The following RNF40 variants were observed in gnomAD, a reference collection of about 807,000 sequenced individuals.
The protein encoded by RNF40 is E3 ubiquitin-protein ligase BRE1B.
A neutral mutation model predicts 123.3 loss-of-function variants in RNF40; 39 were observed. The ratio of observed to expected loss-of-function variants is 0.32; its 90% CI spans 0.24 to 0.41. The LOEUF (loss-of-function observed/expected upper bound fraction) is 0.41, where lower values mean the gene tolerates loss of function less well. Ranked by LOEUF, RNF40 falls within the 10% of genes least tolerant of loss-of-function variation. The probability of loss-of-function intolerance (pLI) is 1.00; values close to 1 mark genes in which losing one functional copy is unlikely to be tolerated. For missense variants in RNF40, 1,003 were observed against 1,319.9 expected, an observed-to-expected ratio of 0.76 and a Z score of 3.72; for synonymous variants, 538 against 526.0, an observed-to-expected ratio of 1.02 and a Z score of -0.31.
rs772039064 is a variant in RNF40 at position 30,774,944 on chromosome 16, A to C, written c.*830A>C. ...GGAACTTCCCAGGAGGGGAAGGGAC[A>C]GACCAGCCCCAGCCGCTGGGCCAAC... On this transcript the variant is annotated 3_prime_UTR_variant, in exon 20 of 20. Coordinates refer to ENST00000324685, the MANE Select transcript of RNF40 (RefSeq NM_014771.4). 2.2e-6 allele frequency: 1 copy of C among 456,506 alleles called. No individual in the cohort carries two copies. Among genetic ancestry groups the C allele is most frequent in the South Asian group, 1.5e-5 (1 of 64,570 alleles). The allele number at this position is 456,506 out of a possible 1,614,324, so 28.3% of individuals were successfully genotyped here.
At chr16:30,769,960 G>A (rs1292331107) in intron 17 of RNF40, among the ~76,000 whole-genome samples, 1 of 151,996 alleles carries the variant, frequency 6.6e-6, no homozygotes, top group Non-Finnish European at 1.5e-5. Context: ...TTAGCTGGGT[G>A]TGCTGGTGCA....
At chr16:30,764,410 A>G in intron 5 of RNF40, 25 bp downstream of exon 5, 1 of 1,592,436 alleles carries the variant, frequency 6.3e-7, no homozygotes, top group Non-Finnish European at 8.6e-7. Flanking sequence ...CCCATACTGA[A>G]GGGGTGTCCA....
At chr16:30,773,274 C>T (rs1393789297) in intron 19 of RNF40, among the ~76,000 whole-genome samples, 2 of 152,156 alleles carry the variant, frequency 1.3e-5, no homozygotes, top group African/African-American at 4.8e-5. Flanking sequence ...GGGGTAGAGG[C>T]AGGCTTGGGA....
chr16:30,767,856 A>G, intron 11 of RNF40, 38 bp from the exon 12 acceptor site: 1 of 1,614,028 alleles, frequency 6.2e-7, no homozygotes, highest in South Asian at 1.1e-5. Flanking sequence ...TAACCCAGGA[A>G]CTGGTTCTGA....
At position 30,766,501 on chromosome 16, in the gene RNF40, T is replaced by C. The variant is rs1233004120; in HGVS notation, c.1236T>C (p.Ala412=). ...AAGTGAAGACCCAGCTAGACGAGGCTCGGGGCCTGCTGCTGGCCACAAAGA... is the reference window on the plus strand; with the variant it reads ...AAGTGAAGACCCAGCTAGACGAGGCCCGGGGCCTGCTGCTGGCCACAAAGA... ...SLQVKTQLDE[A]RGLLLATKNS... Residue 412 remains alanine, a synonymous_variant, in exon 10 of 20, where the codon GCT becomes GCC. Transcript: ENST00000324685. This position sits in a 1 kb window ranked among gnomAD's most constrained non-coding sequence, Gnocchi z 5.4. 1 of 1,613,332 alleles carries C rather than the reference T, an allele frequency of 6.2e-7. No homozygotes were observed.
Position 30,769,324 on chromosome 16 carries a change from G to C in RNF40, c.2386G>C (p.Ala796Pro). 1 of 1,614,214 alleles carries C rather than the reference G, an allele frequency of 6.2e-7. No individual in the cohort carries two copies. Among genetic ancestry groups the C allele is most frequent in the Non-Finnish European group, 8.5e-7 (1 of 1,180,040 alleles). Residue 796 changes from alanine to proline, a missense_variant, in exon 16 of 20, where the codon GCC becomes CCC. Transcript: ENST00000324685. ...TAAGCTAATGTCAGAGCGGATCAAG[G>C]CCAACCAGATTCACAAGCTGCTGCG... ...NFKLMSERIK[A>P]NQIHKLLREE...
At chr16:30,771,673 G>A (rs2054150509) in intron 17 of RNF40, among the ~76,000 whole-genome samples, 160 bp from the exon 18 acceptor site, 1 of 152,162 alleles carries the variant, frequency 6.6e-6, no homozygotes, top group South Asian at 2.1e-4. Context: ...AGGAACTGGA[G>A]AGGGAGAACA....
chr16:30,762,279 G>GC (rs1215979745), upstream of RNF40: 1 of 428,614 alleles, frequency 2.3e-6, no homozygotes, highest in Non-Finnish European at 4.2e-6. Flanking sequence ...CGCACCGTTG[G>GC]GGGGGGGGCA....
intron 4 of RNF40, 144 bp from the exon 5 acceptor site, chr16:30,764,035 C>T: frequency 1.5e-6 from 1 of 664,892 alleles, no homozygotes; most frequent in Non-Finnish European, 2.5e-6. Flanking sequence ...TCATTTGTCT[C>T]ACTTTCAGGA....
At position 30,766,628 on chromosome 16, in the gene RNF40, TC is replaced by T; in HGVS notation, c.1293+72del. The T allele has an allele frequency of 6.3e-7, 1 of 1,581,720 alleles. No homozygotes were observed. The highest frequency in any genetic ancestry group is 8.6e-7 in the Non-Finnish European group (1 of 1,161,882). On this transcript the variant is annotated intron_variant, in intron 10 of 19. Transcript: ENST00000324685. This position sits in a 1 kb window ranked among gnomAD's most constrained non-coding sequence, Gnocchi z 5.4. ...CGTTAGTGTTGACGTGTTTGTGCCT[TC>T]CGAGGCCCTGTGTGCCAGCCAGGGG...
chr16:30,770,044 G>C (rs1300411268), intron 17 of RNF40, among the ~76,000 whole-genome samples: 5 of 151,518 alleles, frequency 3.3e-5, no homozygotes, highest in African/African-American at 1.2e-4. Context: ...TGAGGCTGCA[G>C]TGAGCTATGA....
chr16:30,768,951 A>G lies in RNF40; in HGVS notation c.2211A>G (p.Ile737Met), dbSNP rs1158994255. Residue 737 changes from isoleucine (I) to methionine (M), a missense_variant, in exon 15 of 20, where the codon ATA becomes ATG. Around this residue, in one of 11 missense-constraint regions of RNF40, gnomAD observed 295 missense variants for 331.7 expected, o/e 0.89. Coordinates refer to ENST00000324685, the MANE Select transcript of RNF40 (RefSeq NM_014771.4). The surrounding 1 kb of genome is among the most constrained non-coding windows in gnomAD (Gnocchi z 4.1). ...LRRIRQAEEQIEHLQRKLGAT... is the reference protein window; with the variant it reads ...LRRIRQAEEQMEHLQRKLGAT... ...GCATTCGGCAGGCAGAGGAGCAGAT[A>G]GAACACCTGCAGCGCAAGCTGGGTG... 2 of 1,614,000 alleles carry G rather than the reference A, an allele frequency of 1.2e-6. No homozygotes were observed. Among genetic ancestry groups the G allele is most frequent in the Non-Finnish European group, 1.7e-6 (2 of 1,180,030 alleles).
In RNF40 at chr16:30,772,393, C is replaced by T. The variant is rs1382369964; in HGVS notation, c.2829+203C>T. The stretch of plus-strand genomic sequence containing the variant: ...GCTTGGCTGGGTGTGGGTTGGGAGG[C>T]TAGGAACTGGCCCTGGTCTCTGACT... On this transcript the variant is annotated intron_variant, in intron 19 of 19. Transcript: ENST00000324685. The T allele has an allele frequency of 4.6e-6, 3 of 653,642 alleles. No homozygotes were observed. In the African/African-American group the frequency reaches 5.3e-5, roughly 12 times the overall value. 40.5% of individuals were successfully genotyped at this position (653,642 alleles called of 1,614,324 possible).
At chr16:30,770,594 A>G (rs1231155656) in intron 17 of RNF40, among the ~76,000 whole-genome samples, 1 of 152,240 alleles carries the variant, frequency 6.6e-6, no homozygotes, top group Non-Finnish European at 1.5e-5. Context: ...TAGTTGTATT[A>G]AATAGAAGAA....
chr16:30,769,429 CT>C (rs758326979), intron 16 of RNF40, 31 bp downstream of exon 16: 1 of 1,614,184 alleles, frequency 6.2e-7, no homozygotes. Flanking sequence ...CAGACTGGAG[CT>C]GGAGAGGTGG....
chr16:30,764,950 C>G lies in RNF40; in HGVS notation c.662C>G (p.Pro221Arg), dbSNP rs776136336. Residue 221 changes from proline to arginine, a missense_variant, in exon 6 of 20, where the codon CCC (proline) becomes CGC (arginine). Physicochemically the swap from Pro to Arg is moderately radical, Grantham distance 103. This residue lies in a region of RNF40 where 274 missense variants were observed against 356.9 expected (regional missense o/e 0.77). Transcript: ENST00000324685. Reference sequence around the variant, plus strand: ...CCTGCCTTCCCAGGGGACAGTGAGCCCCTCAGTGAGGCGGCTCAGGCACAC... The same window carrying G: ...CCTGCCTTCCCAGGGGACAGTGAGCGCCTCAGTGAGGCGGCTCAGGCACAC... ...QRVYSRGDSEPLSEAAQAHTR... is the reference protein window; with the variant it reads ...QRVYSRGDSERLSEAAQAHTR... The G allele has an allele frequency of 5.0e-6, 8 of 1,611,886 alleles. No individual in the cohort carries two copies. In the South Asian group the frequency reaches 7.7e-5, roughly 16 times the overall value.
chr16:30,767,729 C>T (rs1028002313), intron 11 of RNF40, 165 bp from the exon 12 acceptor site: 5 of 818,562 alleles, frequency 6.1e-6, no homozygotes, highest in South Asian at 4.1e-5. Flanking sequence ...GGTGAGTTTC[C>T]TTGAAGTCAG....
rs2054073824 is a variant in RNF40 at position 30,768,158 on chromosome 16, A to G, written c.1607A>G (p.Glu536Gly). Residue 536 changes from glutamate to glycine, a missense_variant, in exon 13 of 20, where the codon GAG becomes GGG. Glu to Gly is a moderately conservative substitution (Grantham distance 98). Coordinates refer to ENST00000324685, the MANE Select transcript of RNF40 (RefSeq NM_014771.4). The surrounding 1 kb of genome is among the most constrained non-coding windows in gnomAD (Gnocchi z 4.1). ...AHSTPNLGHP[E>G]DSGVSAPAPG... The stretch of plus-strand genomic sequence containing the variant: ...TCCACCCCCAACCTGGGCCACCCAG[A>G]GGATTCTGGCGTCAGTGCCCCAGCC... The G allele has an allele frequency of 6.2e-7, 1 of 1,610,112 alleles. No homozygotes were observed.
chr16:30,768,264 C>A lies in RNF40; in HGVS notation c.1713C>A (p.Thr571=). 6.2e-7 allele frequency: 1 copy of A among 1,613,974 alleles called. No homozygotes were observed. The highest frequency in any genetic ancestry group is 1.1e-5 in the South Asian group (1 of 91,088). Residue 571 remains threonine, a synonymous_variant, in exon 13 of 20, where the codon ACC becomes ACA. Coordinates refer to ENST00000324685, the MANE Select transcript of RNF40 (RefSeq NM_014771.4). The surrounding 1 kb of genome is among the most constrained non-coding windows in gnomAD (Gnocchi z 4.1). ...AGATGGCTCCAGTGCCTGGCACCAC[C>A]ACTACTACCACTTCAGTGAAGAAGG... ...RKEMAPVPGT[T]TTTTSVKKEE...
Sources: gnomAD v4.1 joint callset for allele counts (sites outside exome capture counted in the v4.1 genomes callset) on GRCh38, gnomAD v4.1.1 for gene constraint, gnomAD v4.1.1 regional missense constraint, Gnocchi (gnomAD v3.1) non-coding constraint, MANE v1.5 for transcripts, NCBI Gene and HGNC (gene_info 2026-07-23, HGNC 2026-07-21) for gene names.